ARHGEF17: variants seen among roughly 807,000 people sequenced by gnomAD.
ARHGEF17 encodes the protein Rho guanine nucleotide exchange factor 17.
A neutral mutation model predicts 174.0 loss-of-function variants in ARHGEF17; 80 were observed. That is an observed-to-expected ratio of 0.46 (90% CI 0.38 to 0.55). The LOEUF (loss-of-function observed/expected upper bound fraction) is 0.55. Among genes scored for constraint, ARHGEF17 ranks in the 20% least tolerant of loss-of-function variants. The pLI, the probability that ARHGEF17 is intolerant of heterozygous loss-of-function variation, is 0.00. For synonymous variants in ARHGEF17, 1,311 were observed against 1,189.1 expected, an observed-to-expected ratio of 1.10 and a Z score of -2.11; for missense variants, 2,886 against 2,839.7, an observed-to-expected ratio of 1.02 and a Z score of -0.37.
chr11:73,362,115 T>A lies in ARHGEF17; in HGVS notation c.4570T>A (p.Tyr1524Asn). The change falls in exon 13 of 21, where the codon TAC becomes AAC. Residue 1524 changes from tyrosine (Y) to asparagine (N), a missense_variant. This residue lies in a region of ARHGEF17 where 476 missense variants were observed against 473.1 expected (regional missense o/e 1.01). Coordinates refer to ENST00000263674, the MANE Select transcript of ARHGEF17 (RefSeq NM_014786.4). The stretch of plus-strand genomic sequence containing the variant: ...GGTATGGGTCTGCAACAGCGACGGC[T>A]ACGTGGGCCAGGTGTGCCTGCTGAG... ...PEVWVCNSDG[Y>N]VGQVCLLSLR... 2 of 1,612,476 alleles carry A rather than the reference T, an allele frequency of 1.2e-6. No individual in the cohort carries two copies. The highest frequency in any genetic ancestry group is 1.7e-6 in the Non-Finnish European group (2 of 1,179,834).
chr11:73,329,362 TA>T lies in ARHGEF17; in HGVS notation c.3193-17520del, dbSNP rs1865162124. ...ATATATATATATATATATATATATATATATATATATATTTTTTTTTTTTTTT... is the reference window on the plus strand; with the variant it reads ...ATATATATATATATATATATATATATTATATATATATTTTTTTTTTTTTTT... On this transcript the variant is annotated intron_variant, in intron 1 of 20. Transcript: ENST00000263674. Among the ~76,000 whole-genome samples, 50 of 18,860 alleles carry T rather than the reference TA, an allele frequency of 2.7e-3. 2 individuals carry two copies. The highest frequency in any genetic ancestry group is 3.6e-3 in the Non-Finnish European group (34 of 9,412). The allele number at this position is 18,860 out of a possible 152,430, so 12.4% of individuals were successfully genotyped here.
At chr11:73,344,025 T>C (rs1865419767) in intron 1 of ARHGEF17, among the ~76,000 whole-genome samples, 1 of 152,184 alleles carries the variant, frequency 6.6e-6, no homozygotes, top group Admixed American at 6.5e-5. Context: ...TTTCAGTCTT[T>C]GGGTTGTGAT....
chr11:73,361,923 C>A, intron 12 of ARHGEF17, 117 bp from the exon 13 acceptor site: 1 of 661,594 alleles, frequency 1.5e-6, no homozygotes, highest in Non-Finnish European at 2.1e-6. Flanking sequence ...AGGGCATCCA[C>A]ACACACACAC....
At chr11:73,347,381 G>A (rs1288173975) in intron 2 of ARHGEF17, among the ~76,000 whole-genome samples, 1 of 152,156 alleles carries the variant, frequency 6.6e-6, no homozygotes, top group Non-Finnish European at 1.5e-5. Flanking sequence ...ATGAATAAGA[G>A]AGCCCAGCCC....
chr11:73,367,505 G>GAATTC, intron 20 of ARHGEF17, 79 bp from the exon 21 acceptor site: 1 of 1,238,026 alleles, frequency 8.1e-7, no homozygotes, highest in Non-Finnish European at 1.1e-6. Context: ...ATCTTCTGGG[G>GAATTC]TGTGGGAATT....
In ARHGEF17 at chr11:73,369,064, CA is replaced by C. The variant is rs1865888279; in HGVS notation, c.*1286del. The C allele has an allele frequency of 6.6e-6, 1 of 152,482 alleles. No homozygotes were observed. Among genetic ancestry groups the C allele is most frequent in the African/African-American group, 2.4e-5 (1 of 41,452 alleles). The allele number at this position is 152,482 out of a possible 1,614,324, so 9.4% of individuals were successfully genotyped here. The stretch of plus-strand genomic sequence containing the variant: ...CTTTGGATGATGAAGTTTAAAGAGT[CA>C]ATAAATAGAAACACCAGATGACTGC... On this transcript the variant is annotated 3_prime_UTR_variant, in exon 21 of 21. Coordinates refer to ENST00000263674, the MANE Select transcript of ARHGEF17 (RefSeq NM_014786.4).
Position 73,368,355 on chromosome 11 carries a change from T to G in ARHGEF17, c.*575T>G, listed in dbSNP as rs371233982. ...CATGCGCCCCTGAGCCCCATTCCAT[T>G]CATACAGACACACACGTACGCACAC... On this transcript the variant is annotated 3_prime_UTR_variant, in exon 21 of 21. Coordinates refer to ENST00000263674, the MANE Select transcript of ARHGEF17 (RefSeq NM_014786.4). 6.6e-6 allele frequency: 1 copy of G among 152,600 alleles called. No homozygotes were observed. The highest frequency in any genetic ancestry group is 1.5e-5 in the Non-Finnish European group (1 of 68,218). The allele number at this position is 152,600 out of a possible 1,614,324, so 9.5% of individuals were successfully genotyped here. A position where few individuals can be genotyped will look rare whatever the true frequency, so the allele number is the denominator to read the frequency against.
intron 20 of ARHGEF17, 52 bp from the exon 21 acceptor site, chr11:73,367,532 A>G: frequency 3.3e-6 from 5 of 1,496,932 alleles, no homozygotes; most frequent in Non-Finnish European, 4.6e-6. Flanking sequence ...CCGATGGGAC[A>G]GTGAAGCCTC....
chr11:73,328,904 G>A (rs1176155959), intron 1 of ARHGEF17, among the ~76,000 whole-genome samples: 1 of 152,088 alleles, frequency 6.6e-6, no homozygotes, highest in Non-Finnish European at 1.5e-5. Flanking sequence ...AGAAGGTCTA[G>A]GAGAGAGAGT....
Position 73,357,315 on chromosome 11 carries a change from G to A in ARHGEF17, c.4075G>A (p.Asp1359Asn), listed in dbSNP as rs1421484674. The change falls in exon 9 of 21, where the codon GAC becomes AAC. Residue 1359 changes from aspartate to asparagine, a missense_variant. Physicochemically the swap from Asp to Asn is conservative, Grantham distance 23 (BLOSUM62 1). Transcript: ENST00000263674. ...GTGGAAGCTGCCGCTGGAAGACGCAGACATCATCAAAGGTGGGTTTGATGC... is the reference window on the plus strand; with the variant it reads ...GTGGAAGCTGCCGCTGGAAGACGCAAACATCATCAAAGGTGGGTTTGATGC... ...MLWKLPLEDA[D>N]IIKGASQATN... 12 of 1,613,926 alleles carry A rather than the reference G, an allele frequency of 7.4e-6. No individual in the cohort carries two copies. Among genetic ancestry groups the A allele is most frequent in the Non-Finnish European group, 1.0e-5 (12 of 1,179,916 alleles).
At chr11:73,349,408 A>T (rs112204244) in intron 2 of ARHGEF17, among the ~76,000 whole-genome samples, 9,295 of 152,256 alleles carry the variant, frequency 0.061, 903 homozygotes, top group African/African-American at 0.2. Flanking sequence ...TGAGGTCAGG[A>T]GTTCAAGACC....
intron 1 of ARHGEF17, 95 bp from the exon 2 acceptor site, chr11:73,346,788 G>A (rs1275992676): frequency 2.0e-6 from 2 of 977,748 alleles, no homozygotes; most frequent in Non-Finnish European, 2.8e-6. Flanking sequence ...GGCAGGGAGA[G>A]GGTGTGGGCG....
Position 73,362,198 on chromosome 11 carries a change from C to T in ARHGEF17, c.4653C>T (p.Leu1551=), listed in dbSNP as rs1474755750. The T allele has an allele frequency of 6.4e-7, 1 of 1,569,160 alleles. No individual in the cohort carries two copies. The highest frequency in any genetic ancestry group is 8.6e-7 in the Non-Finnish European group (1 of 1,161,760). The stretch of plus-strand genomic sequence containing the variant: ...TCGCCGTCTGTTCCGCCCGCATCCT[C>T]TGCATCGGGGCGGTGCCCGGGCTGC... ...ACIAVCSARI[L]CIGAVPGLQP... Residue 1551 remains leucine, a synonymous_variant, in exon 13 of 21, where the codon CTC becomes CTT. Coordinates refer to ENST00000263674, the MANE Select transcript of ARHGEF17 (RefSeq NM_014786.4).
chr11:73,326,828 G>A, intron 1 of ARHGEF17, among the ~76,000 whole-genome samples: 1 of 152,260 alleles, frequency 6.6e-6, no homozygotes, highest in East Asian at 1.9e-4. Context: ...ATTGATTTAA[G>A]TGAAAGTAGG....
chr11:73,353,598 T>C (rs1177524533), intron 3 of ARHGEF17, among the ~76,000 whole-genome samples: 1 of 152,166 alleles, frequency 6.6e-6, no homozygotes, highest in East Asian at 1.9e-4. Flanking sequence ...CATGGAGAGA[T>C]TGGTAACCTG....
rs767726857 is a variant in ARHGEF17, at chr11:73,310,035, A to G, written c.1397A>G (p.Asp466Gly). The change falls in exon 1 of 21, where the codon GAT (aspartate) becomes GGT (glycine). Residue 466 changes from aspartate to glycine, a missense_variant. Physicochemically the swap from Asp to Gly is moderately conservative, Grantham distance 94 (BLOSUM62 -1). Around this residue, in one of 4 missense-constraint regions of ARHGEF17, gnomAD observed 1,728 missense variants for 1,461.2 expected, o/e 1.18. Transcript: ENST00000263674. Reference protein sequence around the residue: ...SRQRKSLSNPDIASETLTLLS... With the variant: ...SRQRKSLSNPGIASETLTLLS... ...CAGCGGAAGTCCCTGTCAAATCCAGATATCGCCTCAGAGACCCTGACGCTT... is the reference window on the plus strand; with the variant it reads ...CAGCGGAAGTCCCTGTCAAATCCAGGTATCGCCTCAGAGACCCTGACGCTT... The G allele has an allele frequency of 3.7e-6, 6 of 1,613,988 alleles. No homozygotes were observed. In the African/African-American group the frequency reaches 4.0e-5, roughly 11 times the overall value.
intron 1 of ARHGEF17, among the ~76,000 whole-genome samples, chr11:73,330,106 T>C (rs912598489): frequency 6.6e-6 from 1 of 152,248 alleles, no homozygotes; most frequent in Non-Finnish European, 1.5e-5. Flanking sequence ...TATTTTTCTG[T>C]TGGGTTGTTG....
At chr11:73,339,239 G>A (rs1444902407) in intron 1 of ARHGEF17, among the ~76,000 whole-genome samples, 1 of 152,124 alleles carries the variant, frequency 6.6e-6, no homozygotes, top group Non-Finnish European at 1.5e-5. Flanking sequence ...TAAATCCCCA[G>A]CACAGTGCTT....
chr11:73,365,329 C>T lies in ARHGEF17; in HGVS notation c.5551-61C>T. 6.3e-7 allele frequency: 1 copy of T among 1,587,426 alleles called. No homozygotes were observed. The highest frequency in any genetic ancestry group is 8.6e-7 in the Non-Finnish European group (1 of 1,161,860). ...GGATGGACACTGGTGAAGCTCCAGGCTAGGGTGGGCCAAGGGAGGCAGGCC... is the reference window on the plus strand; with the variant it reads ...GGATGGACACTGGTGAAGCTCCAGGTTAGGGTGGGCCAAGGGAGGCAGGCC... On this transcript the variant is annotated intron_variant, in intron 18 of 20. Transcript: ENST00000263674. The surrounding 1 kb of genome is among the most constrained non-coding windows in gnomAD (Gnocchi z 4.9).
Sources: allele counts gnomAD v4.1 joint callset (sites outside exome capture counted in the v4.1 genomes callset), GRCh38; gene constraint gnomAD v4.1.1; regional missense constraint gnomAD v4.1.1; non-coding constraint Gnocchi (gnomAD v3.1); transcripts MANE v1.5; gene names NCBI Gene and HGNC (gene_info 2026-07-23, HGNC 2026-07-21).